The following HEMK1 variants were observed in gnomAD, a reference collection of about 807,000 sequenced individuals.
HEMK1 encodes HemK methyltransferase 1, mitochondrial release factors N(5)-glutamine, also known as MTRF1L release factor glutamine methyltransferase.
In HEMK1, 36 loss-of-function variants were observed where a neutral mutation model predicts 47.9. The ratio of observed to expected loss-of-function variants is 0.75; its 90% CI spans 0.58 to 0.99. The LOEUF is 0.99. Ranked by LOEUF, HEMK1 falls within the 50% of genes least tolerant of loss-of-function variation. The probability of loss-of-function intolerance (pLI) is 0.00; values close to 1 mark genes in which losing one functional copy is unlikely to be tolerated. For missense variants in HEMK1, 383 were observed against 434.5 expected (o/e 0.88, Z 1.05); for synonymous variants, 153 against 165.4 (o/e 0.93, Z 0.57).
rs1225514181 is a variant in HEMK1, at chr3:50,590,804, T to A, written c.*10387T>A. On this transcript the variant is annotated 3_prime_UTR_variant, in exon 11 of 11. Transcript: ENST00000232854. ...CAGTGTGGTTGCCCCAAGTACTCCA[T>A]GAGTAGACATGGGCTAGGGACTTAC... The A allele has an allele frequency of 2.6e-5, 4 of 152,250 alleles. No homozygotes were observed. The East Asian group carries it at 7.7e-4, about 29-fold the overall frequency. The allele number at this position is 152,250 out of a possible 1,614,324, so 9.4% of individuals were successfully genotyped here.
In HEMK1 at chr3:50,593,498, G is replaced by T. The variant is rs1417991971; in HGVS notation, c.*13081G>T. On this transcript the variant is annotated 3_prime_UTR_variant, in exon 11 of 11. Transcript: ENST00000232854. ...ACCAGGGCTGTGCCCCTCATGGAAGGTTCACTTTCCTGCTTATCTAGTCTC... is the reference window on the plus strand; with the variant it reads ...ACCAGGGCTGTGCCCCTCATGGAAGTTTCACTTTCCTGCTTATCTAGTCTC... 1 of 152,132 alleles carries T rather than the reference G, an allele frequency of 6.6e-6. No homozygotes were observed. Among genetic ancestry groups the T allele is most frequent in the East Asian group, 1.9e-4 (1 of 5,188 alleles). The allele number at this position is 152,132 out of a possible 1,614,324, so 9.4% of individuals were successfully genotyped here.
At chr3:50,578,493 G>A (rs2030167118) in intron 7 of HEMK1, among the ~76,000 whole-genome samples, 1 of 152,242 alleles carries the variant, frequency 6.6e-6, no homozygotes, top group South Asian at 2.1e-4. Context: ...GGCTAGTGGA[G>A]CTACAGAAGA....
At chr3:50,577,634 C>G (rs1192778438) in intron 6 of HEMK1, 61 bp downstream of exon 6, 5 of 1,528,722 alleles carry the variant, frequency 3.3e-6, no homozygotes, top group Non-Finnish European at 4.5e-6. Flanking sequence ...TTCAAACTCA[C>G]CAATGTCTGA....
chr3:50,572,661 G>A (rs1471513348), intron 4 of HEMK1, among the ~76,000 whole-genome samples: 1 of 152,178 alleles, frequency 6.6e-6, no homozygotes, highest in Non-Finnish European at 1.5e-5. Flanking sequence ...GCCATCTCTG[G>A]GCCCAGATGA....
intron 2 of HEMK1, 134 bp from the exon 3 acceptor site, chr3:50,571,576 T>G: frequency 1.2e-6 from 1 of 863,534 alleles, no homozygotes; most frequent in Non-Finnish European, 1.9e-6. Context: ...GGCAGGATGC[T>G]GCCCCCTCTG....
intron 7 of HEMK1, among the ~76,000 whole-genome samples, chr3:50,578,190 A>G (rs1416500946): frequency 2.6e-5 from 4 of 152,196 alleles, no homozygotes; most frequent in African/African-American, 4.8e-5. Flanking sequence ...GCTTAAAATA[A>G]TGCCTTCAGG....
At chr3:50,571,455 C>T (rs969839009) in intron 2 of HEMK1, 123 bp downstream of exon 2, 2 of 742,350 alleles carry the variant, frequency 2.7e-6, no homozygotes, top group Non-Finnish European at 2.2e-6. Flanking sequence ...TCTGAAGGAA[C>T]GTCTTAGCGC....
In HEMK1 at chr3:50,588,225, C is replaced by T. The variant is rs2031510109; in HGVS notation, c.*7808C>T. 2 of 152,232 alleles carry T rather than the reference C, an allele frequency of 1.3e-5. No homozygotes were observed. Among genetic ancestry groups the T allele is most frequent in the African/African-American group, 4.8e-5 (2 of 41,450 alleles). 9.4% of individuals were successfully genotyped at this position (152,232 alleles called of 1,614,324 possible). On this transcript the variant is annotated 3_prime_UTR_variant, in exon 11 of 11. Coordinates refer to ENST00000232854, the MANE Select transcript of HEMK1 (RefSeq NM_016173.5). ...GGCATCTGCAGTGTGTAAACTAGTGCCAGGTGCTGCACACACGTGGTCATA... is the reference window on the plus strand; with the variant it reads ...GGCATCTGCAGTGTGTAAACTAGTGTCAGGTGCTGCACACACGTGGTCATA...
At chr3:50,573,554 G>T (rs1701254414) in intron 4 of HEMK1, among the ~76,000 whole-genome samples, 1 of 152,214 alleles carries the variant, frequency 6.6e-6, no homozygotes, top group South Asian at 2.1e-4. Flanking sequence ...TTCTTGGATG[G>T]GTCTGGGCCA....
In HEMK1 at chr3:50,583,658, G is replaced by A. The variant is rs1458283648; in HGVS notation, c.*3241G>A. ...TTTTTTCTTCATTGGCTCCTTCTTA[G>A]TGGATTCTCTTCTCTACTGCCCTGG... On this transcript the variant is annotated 3_prime_UTR_variant, in exon 11 of 11. Transcript: ENST00000232854. 2 of 152,178 alleles carry A rather than the reference G, an allele frequency of 1.3e-5. No homozygotes were observed. Among genetic ancestry groups the A allele is most frequent in the African/African-American group, 4.8e-5 (2 of 41,384 alleles). The allele number at this position is 152,178 out of a possible 1,614,324, so 9.4% of individuals were successfully genotyped here. A position where few individuals can be genotyped will look rare whatever the true frequency, so the allele number is the denominator to read the frequency against.
rs1575953851 is a variant in HEMK1 at position 50,580,462 on chromosome 3, A to G, written c.*45A>G. ...CCTTGTCAGTGCCGCCAGCCTGACC[A>G]GAGGGGAGGTGGATGGCACTTTCCA... On this transcript the variant is annotated 3_prime_UTR_variant, in exon 11 of 11. Coordinates refer to ENST00000232854, the MANE Select transcript of HEMK1 (RefSeq NM_016173.5). The G allele has an allele frequency of 1.9e-6, 3 of 1,606,392 alleles. No individual in the cohort carries two copies. Among genetic ancestry groups the G allele is most frequent in the Non-Finnish European group, 2.6e-6 (3 of 1,173,380 alleles).
At chr3:50,573,920 C>A (rs1381587264) in intron 4 of HEMK1, among the ~76,000 whole-genome samples, 3 of 152,208 alleles carry the variant, frequency 2.0e-5, no homozygotes, top group South Asian at 2.1e-4. Flanking sequence ...TCTCACCCAG[C>A]CTGCTGTGAG....
chr3:50,572,026 C>G, intron 3 of HEMK1, 89 bp from the exon 4 acceptor site: 1 of 1,582,622 alleles, frequency 6.3e-7, no homozygotes, highest in Admixed American at 1.7e-5. Flanking sequence ...TTGCCTGATA[C>G]CTTTGGCCAC....
rs779751931 is a variant in HEMK1 at position 50,572,167 on chromosome 3, A to T, written c.373A>T (p.Arg125Trp). The change falls in exon 4 of 11, where the codon AGG becomes TGG. Residue 125 changes from arginine (R) to tryptophan (W), a missense_variant. Transcript: ENST00000232854. ...GTGGGACTTCCAGGGGCTCAGCCTA[A>T]GGATGGTGCCCCCAGTGTTTATTCC... ...GEWDFQGLSL[R>W]MVPPVFIPRP... The T allele has an allele frequency of 1.1e-5, 18 of 1,613,812 alleles. No homozygotes were observed.
At position 50,586,404 on chromosome 3, in the gene HEMK1, C is replaced by G. The variant is rs1169576889; in HGVS notation, c.*5987C>G. ...AAGCCCTGAACTGGGCTGACCTCCA[C>G]CTGCCCCAGCTATGCCTAAAGGGGG... On this transcript the variant is annotated 3_prime_UTR_variant, in exon 11 of 11. Coordinates refer to ENST00000232854, the MANE Select transcript of HEMK1 (RefSeq NM_016173.5). The G allele has an allele frequency of 1.3e-5, 2 of 152,276 alleles. No homozygotes were observed. The highest frequency in any genetic ancestry group is 1.5e-5 in the Non-Finnish European group (1 of 68,058). The allele number at this position is 152,276 out of a possible 1,614,324, so 9.4% of individuals were successfully genotyped here.
chr3:50,572,251 G>A (rs751226560), intron 4 of HEMK1, 43 bp downstream of exon 4: 11 of 1,592,020 alleles, frequency 6.9e-6, no homozygotes, highest in South Asian at 1.1e-5. Flanking sequence ...GATGATGGTG[G>A]AGTTCAGGGC....
At chr3:50,572,560 C>G (rs1156721886) in intron 4 of HEMK1, among the ~76,000 whole-genome samples, 5 of 152,222 alleles carry the variant, frequency 3.3e-5, no homozygotes, top group African/African-American at 9.6e-5. Context: ...AGCAGCTTCT[C>G]AGGAGGCATG....
intron 1 of HEMK1, chr3:50,570,687 G>C (rs1169958553): frequency 6.2e-6 from 1 of 160,584 alleles, no homozygotes; most frequent in Non-Finnish European, 1.4e-5. Context: ...CCCCACATAT[G>C]TGCCCTAACC....
rs1421961106 is a variant in HEMK1, at chr3:50,587,934, A to T, written c.*7517A>T. Reference sequence around the variant, plus strand: ...CTCACAACCATTGCTGAGGGTTTGGATGTGAGATGGCCAGGACCACAGTGG... The same window carrying T: ...CTCACAACCATTGCTGAGGGTTTGGTTGTGAGATGGCCAGGACCACAGTGG... On this transcript the variant is annotated 3_prime_UTR_variant, in exon 11 of 11. Transcript: ENST00000232854. This position sits in a 1 kb window ranked among gnomAD's most constrained non-coding sequence, Gnocchi z 4.2. 6.6e-6 allele frequency: 1 copy of T among 152,200 alleles called. No homozygotes were observed. Among genetic ancestry groups the T allele is most frequent in the African/African-American group, 2.4e-5 (1 of 41,394 alleles). 9.4% of individuals were successfully genotyped at this position (152,200 alleles called of 1,614,324 possible). A position where few individuals can be genotyped will look rare whatever the true frequency, so the allele number is the denominator to read the frequency against.
Sources: allele counts gnomAD v4.1 joint callset (sites outside exome capture counted in the v4.1 genomes callset), GRCh38; gene constraint gnomAD v4.1.1; non-coding constraint Gnocchi (gnomAD v3.1); transcripts MANE v1.5; gene names NCBI Gene and HGNC (gene_info 2026-07-23, HGNC 2026-07-21).